ZNRF1: variants seen among roughly 807,000 people sequenced by gnomAD.
ZNRF1 encodes the protein zinc and ring finger 1, also known as E3 ubiquitin-protein ligase ZNRF1.
ZNRF1 carries 3 observed loss-of-function variants against 18.4 expected under a neutral mutation model. The ratio of observed to expected loss-of-function variants is 0.16; its 90% confidence interval spans 0.07 to 0.42. ZNRF1 has a LOEUF of 0.42. ZNRF1 is among the 10% of genes least tolerant of loss of function. The pLI, the probability that ZNRF1 is intolerant of heterozygous loss-of-function variation, is 0.99. For missense variants in ZNRF1, 310 were observed against 329.8 expected, an observed-to-expected ratio of 0.94 and a Z score of 0.47; for synonymous variants, 157 against 144.2, an observed-to-expected ratio of 1.09 and a Z score of -0.64.
chr16:75,043,938 C>T (rs1421598101), intron 1 of ZNRF1, among the ~76,000 whole-genome samples: 2 of 151,916 alleles, frequency 1.3e-5, no homozygotes, highest in African/African-American at 4.8e-5. Context: ...TACAGGCATG[C>T]ACCACCATAC....
chr16:75,016,343 A>C (rs924066268), intron 1 of ZNRF1, among the ~76,000 whole-genome samples: 1 of 150,650 alleles, frequency 6.6e-6, no homozygotes, highest in Non-Finnish European at 1.5e-5. Flanking sequence ...GGTTCAAGCA[A>C]TTCTCCCACC....
At chr16:75,013,218 G>A (rs889915922) in intron 1 of ZNRF1, among the ~76,000 whole-genome samples, 4 of 152,164 alleles carry the variant, frequency 2.6e-5, no homozygotes, top group Non-Finnish European at 4.4e-5. Context: ...TCAGAACACA[G>A]AGAAAAGTGA....
chr16:75,080,743 C>G (rs140397513), intron 1 of ZNRF1, among the ~76,000 whole-genome samples: 1 of 152,270 alleles, frequency 6.6e-6, no homozygotes, highest in East Asian at 1.9e-4. Flanking sequence ...TGGTGGCGCA[C>G]TGGCCTGTAA....
chr16:75,052,189 A>G (rs1285199472), intron 1 of ZNRF1, among the ~76,000 whole-genome samples: 1 of 152,134 alleles, frequency 6.6e-6, no homozygotes, highest in East Asian at 1.9e-4. Flanking sequence ...GCTTGAACCC[A>G]GAAGTTCGAG....
At chr16:75,023,953 C>T (rs889166553) in intron 1 of ZNRF1, among the ~76,000 whole-genome samples, 1 of 148,704 alleles carries the variant, frequency 6.7e-6, no homozygotes, top group Non-Finnish European at 1.5e-5. Flanking sequence ...CCACTGCAAT[C>T]TCCACCTCCT....
intron 1 of ZNRF1, among the ~76,000 whole-genome samples, chr16:75,013,574 T>C (rs2035027731): frequency 6.6e-6 from 1 of 152,176 alleles, no homozygotes; most frequent in African/African-American, 2.4e-5. Flanking sequence ...CTCAATCTGT[T>C]GACCTCGTGA....
intron 1 of ZNRF1, among the ~76,000 whole-genome samples, chr16:75,089,502 C>T (rs143508340): frequency 6.6e-6 from 1 of 152,278 alleles, no homozygotes; most frequent in Non-Finnish European, 1.5e-5. Context: ...AAAGTGTAGG[C>T]CTCTTCCTAC....
chr16:75,018,380 T>G (rs2035099339), intron 1 of ZNRF1, among the ~76,000 whole-genome samples: 1 of 152,230 alleles, frequency 6.6e-6, no homozygotes, highest in South Asian at 2.1e-4. Context: ...AATGACTGTT[T>G]TGTTTCCTCT....
At chr16:75,105,023 G>C in intron 3 of ZNRF1, 134 bp downstream of exon 3, 1 of 698,886 alleles carries the variant, frequency 1.4e-6, no homozygotes, top group Non-Finnish European at 2.4e-6. Flanking sequence ...GGTAAGGGCA[G>C]AGGCCATCAG....
At chr16:75,000,250 C>T (rs760980609) in intron 1 of ZNRF1, 155 bp downstream of exon 1, 25 of 1,102,930 alleles carry the variant, frequency 2.3e-5, no homozygotes, top group Non-Finnish European at 3.1e-5. Context: ...GGATACCTAC[C>T]GTCTGGAAAC....
chr16:75,065,082 A>C (rs1339994380), intron 1 of ZNRF1, among the ~76,000 whole-genome samples: 1 of 152,260 alleles, frequency 6.6e-6, no homozygotes, highest in Non-Finnish European at 1.5e-5. Flanking sequence ...ATAAGGAAAA[A>C]AGGGAATGTG....
intron 1 of ZNRF1, among the ~76,000 whole-genome samples, chr16:75,029,601 TA>T (rs1219807145): frequency 7.5e-5 from 1 of 13,334 alleles, no homozygotes; most frequent in African/African-American, 8.0e-5. Flanking sequence ...AACCCATCTC[TA>T]CAAAAAAAAT....
chr16:75,098,664 CAG>C (rs1237889988), intron 2 of ZNRF1, among the ~76,000 whole-genome samples: 4 of 152,220 alleles, frequency 2.6e-5, no homozygotes, highest in East Asian at 1.9e-4. Flanking sequence ...GAAATGAGGT[CAG>C]GGGGTGGAAC....
At chr16:75,079,448 C>G (rs1485154720) in intron 1 of ZNRF1, among the ~76,000 whole-genome samples, 1 of 152,178 alleles carries the variant, frequency 6.6e-6, no homozygotes, top group East Asian at 1.9e-4. Context: ...TCACTGCACT[C>G]CAGCCTGGCA....
At chr16:75,041,142 T>C (rs940429173) in intron 1 of ZNRF1, among the ~76,000 whole-genome samples, 3 of 152,092 alleles carry the variant, frequency 2.0e-5, no homozygotes, top group African/African-American at 7.2e-5. Context: ...ATATGAGAAG[T>C]TTGTGTTTAA....
chr16:75,029,349 C>T, intron 1 of ZNRF1, among the ~76,000 whole-genome samples: 1 of 152,006 alleles, frequency 6.6e-6, no homozygotes, highest in East Asian at 1.9e-4. Flanking sequence ...GGGGTTCTAC[C>T]ATCTTAGCCA....
intron 1 of ZNRF1, among the ~76,000 whole-genome samples, chr16:75,014,076 C>T (rs1567465887): frequency 6.6e-6 from 1 of 152,158 alleles, no homozygotes; most frequent in Non-Finnish European, 1.5e-5. Flanking sequence ...GATGATCCAC[C>T]CGCCTTATCT....
At chr16:75,060,709 C>T (rs978679267) in intron 1 of ZNRF1, among the ~76,000 whole-genome samples, 6 of 151,762 alleles carry the variant, frequency 4.0e-5, no homozygotes, top group African/African-American at 1.4e-4. Context: ...GCTCCTTGAC[C>T]TCAAGTGATC....
rs929952460 is a variant in ZNRF1 at position 75,020,553 on chromosome 16, T to C, written c.424+20458T>C. ...GTCTTTTCTTTTCTTTTCTTTTCTT[T>C]TTTTTTGAGATGGAGTCTCGCTGTG... is the stretch of plus-strand genomic sequence containing the variant. On this transcript the variant is annotated intron_variant, in intron 1 of 4. Coordinates refer to ENST00000335325, the MANE Select transcript of ZNRF1 (RefSeq NM_032268.5). Among the ~76,000 whole-genome samples the C allele has an allele frequency of 5.9e-5, 9 of 152,078 alleles. No individual in the cohort carries two copies. The East Asian group carries it at 1.3e-3, about 23-fold the overall frequency.
Sources: allele counts gnomAD v4.1 joint callset (sites outside exome capture counted in the v4.1 genomes callset), GRCh38; gene constraint gnomAD v4.1.1; transcripts MANE v1.5; gene names NCBI Gene and HGNC (gene_info 2026-07-23, HGNC 2026-07-21).